ASAP2: variants seen among roughly 807,000 people sequenced by gnomAD.
ASAP2 encodes the protein arf-GAP with SH3 domain, ANK repeat and PH domain-containing protein 2.
A neutral mutation model predicts 131.4 loss-of-function variants in ASAP2; 45 were observed. That is an observed-to-expected ratio of 0.34 (90% CI 0.27 to 0.44). ASAP2 has a LOEUF of 0.44. Ranked by LOEUF, ASAP2 falls within the 20% of genes least tolerant of loss-of-function variation. The pLI is 1.00. For missense variants in ASAP2, 1,011 were observed against 1,297.0 expected (o/e 0.78, Z 3.39); for synonymous variants, 510 against 503.0 (o/e 1.01, Z -0.19).
At chr2:9,236,706 A>G (rs11692473) in intron 1 of ASAP2, among the ~76,000 whole-genome samples, 1 of 152,108 alleles carries the variant, frequency 6.6e-6, no homozygotes, top group Non-Finnish European at 1.5e-5. Context: ...TATGTATGAG[A>G]GACACAGACA....
intron 2 of ASAP2, among the ~76,000 whole-genome samples, chr2:9,295,539 G>T (rs1465305394): frequency 6.6e-6 from 1 of 152,172 alleles, no homozygotes; most frequent in Non-Finnish European, 1.5e-5. Context: ...TTATGTAGCT[G>T]ACGCCGCAGG....
Position 9,344,541 on chromosome 2 carries a change from A to G in ASAP2, c.859A>G (p.Ile287Val), listed in dbSNP as rs777343307. ...CTTCACCATTTTTTAGGACTCCCAAATTCGTCAGAGCACAGCTTATAGCTT... is the reference window on the plus strand; with the variant it reads ...CTTCACCATTTTTTAGGACTCCCAAGTTCGTCAGAGCACAGCTTATAGCTT... ...LQVEQKEDSQ[I>V]RQSTAYSLHQ... The change falls in exon 10 of 28, where the codon ATT (isoleucine) becomes GTT (valine). Residue 287 changes from isoleucine (I) to valine (V), a missense_variant. Transcript: ENST00000281419. The G allele has an allele frequency of 1.9e-5, 31 of 1,613,778 alleles. No homozygotes were observed. The highest frequency in any genetic ancestry group is 1.6e-4 in the Middle Eastern group (1 of 6,084).
intron 1 of ASAP2, among the ~76,000 whole-genome samples, chr2:9,227,539 A>G (rs1332886579): frequency 2.6e-5 from 4 of 152,220 alleles, no homozygotes; most frequent in East Asian, 1.9e-4. Flanking sequence ...CGGGTGGGAC[A>G]GGGCTCATGC....
intron 15 of ASAP2, among the ~76,000 whole-genome samples, chr2:9,360,525 C>T (rs147720071): frequency 1.2e-4 from 19 of 152,232 alleles, no homozygotes; most frequent in African/African-American, 4.3e-4. Flanking sequence ...TCCCTATCAC[C>T]GTCCCCAACA....
In ASAP2 at chr2:9,311,795, CT is replaced by C; in HGVS notation, c.346-6728del. Among the ~76,000 whole-genome samples the C allele has an allele frequency of 6.6e-6, 1 of 152,322 alleles. No homozygotes were observed. Among genetic ancestry groups the C allele is most frequent in the South Asian group, 2.1e-4 (1 of 4,828 alleles). On this transcript the variant is annotated intron_variant, in intron 3 of 27. Transcript: ENST00000281419. This position sits in a 1 kb window ranked among gnomAD's most constrained non-coding sequence, Gnocchi z 5.2. ...AGGGCACACCTGCCGAGAAGCGCGT[CT>C]GGCCCCCACGCACTTGTTCTCTGGC...
intron 9 of ASAP2, among the ~76,000 whole-genome samples, chr2:9,344,195 C>T (rs771977696): frequency 8.6e-4 from 131 of 152,142 alleles, no homozygotes; most frequent in Non-Finnish European, 1.6e-3. Flanking sequence ...CCTCCCTCCT[C>T]GAGGGCTACT....
intron 3 of ASAP2, among the ~76,000 whole-genome samples, chr2:9,309,985 A>G (rs1317502101): frequency 1.3e-5 from 2 of 152,214 alleles, no homozygotes; most frequent in Non-Finnish European, 2.9e-5. Flanking sequence ...GGTGGCTGGA[A>G]GCTTCCAGCA....
intron 9 of ASAP2, among the ~76,000 whole-genome samples, chr2:9,338,290 G>GCT (rs140305748): frequency 1.4e-3 from 208 of 148,778 alleles, no homozygotes; most frequent in Middle Eastern, 3.5e-3. Context: ...AAGTATGGTT[G>GCT]CTCTCTCTCT....
At position 9,400,008 on chromosome 2, in the gene ASAP2, T is replaced by A; in HGVS notation, c.2685-15T>A. The A allele has an allele frequency of 6.2e-7, 1 of 1,612,932 alleles. No individual in the cohort carries two copies. Among genetic ancestry groups the A allele is most frequent in the Non-Finnish European group, 8.5e-7 (1 of 1,179,382 alleles). On this transcript the variant is annotated splice_polypyrimidine_tract_variant and intron_variant, in intron 24 of 27. Coordinates refer to ENST00000281419, the MANE Select transcript of ASAP2 (RefSeq NM_003887.3). ...CTCCGGTAGCAGTAAATCTACTTTT[T>A]CCCTGTCTTTGTAGGGCTGACAAGT...
At chr2:9,228,567 G>A (rs1454498892) in intron 1 of ASAP2, among the ~76,000 whole-genome samples, 1 of 152,144 alleles carries the variant, frequency 6.6e-6, no homozygotes, top group Non-Finnish European at 1.5e-5. Context: ...TTTTTGTTAT[G>A]CTTGGCAGAG....
chr2:9,220,368 C>T (rs2147976389), intron 1 of ASAP2, among the ~76,000 whole-genome samples: 1 of 152,340 alleles, frequency 6.6e-6, no homozygotes, highest in South Asian at 2.1e-4. Context: ...TCTGATTTCT[C>T]CACATCCTTG....
At chr2:9,375,609 C>T (rs1209240130) in intron 17 of ASAP2, among the ~76,000 whole-genome samples, 3 of 152,188 alleles carry the variant, frequency 2.0e-5, no homozygotes, top group African/African-American at 7.2e-5. Flanking sequence ...CCTGGAGTCA[C>T]CAGGCTTTGT....
intron 3 of ASAP2, among the ~76,000 whole-genome samples, chr2:9,307,178 C>A (rs1669000452): frequency 6.6e-6 from 1 of 152,168 alleles, no homozygotes. Context: ...GCTTGTTAGA[C>A]CACACCTGTT....
At chr2:9,304,900 T>C (rs1572399849) in intron 3 of ASAP2, among the ~76,000 whole-genome samples, 1 of 140,524 alleles carries the variant, frequency 7.1e-6, no homozygotes, top group Non-Finnish European at 1.5e-5. Flanking sequence ...GCTGGAGTAG[T>C]GGGGTGTAGA....
intron 2 of ASAP2, among the ~76,000 whole-genome samples, chr2:9,280,697 C>T (rs1314365163): frequency 3.9e-5 from 6 of 152,220 alleles, no homozygotes; most frequent in African/African-American, 1.2e-4. Flanking sequence ...GTCAGAATTA[C>T]AGCAGCGGAA....
At chr2:9,275,726 C>G (rs550226010) in intron 1 of ASAP2, among the ~76,000 whole-genome samples, 1 of 152,306 alleles carries the variant, frequency 6.6e-6, no homozygotes, top group East Asian at 1.9e-4. Flanking sequence ...TTGGGCTCAT[C>G]ATCCTTTCCT....
intron 1 of ASAP2, among the ~76,000 whole-genome samples, chr2:9,261,566 A>C (rs967463283): frequency 1.3e-5 from 2 of 152,214 alleles, no homozygotes; most frequent in Non-Finnish European, 2.9e-5. Context: ...TGCCTTGGTA[A>C]CTTAAAAGTA....
At chr2:9,221,354 C>T (rs1345066068) in intron 1 of ASAP2, among the ~76,000 whole-genome samples, 2 of 143,340 alleles carry the variant, frequency 1.4e-5, no homozygotes, top group Non-Finnish European at 3.0e-5. Flanking sequence ...CGGAATTTTC[C>T]TCTGTTGCCC....
At chr2:9,387,566 C>CCAGA (rs1460823091) in intron 21 of ASAP2, among the ~76,000 whole-genome samples, 1 of 152,108 alleles carries the variant, frequency 6.6e-6, no homozygotes, top group Non-Finnish European at 1.5e-5. Context: ...AGCGGGCTGG[C>CCAGA]CAGAGCTGGC....
Sources: gnomAD v4.1 joint callset for allele counts (sites outside exome capture counted in the v4.1 genomes callset) on GRCh38, gnomAD v4.1.1 for gene constraint, Gnocchi (gnomAD v3.1) non-coding constraint, MANE v1.5 for transcripts, NCBI Gene and HGNC (gene_info 2026-07-23, HGNC 2026-07-21) for gene names.